Variants in ARHGEF1 observed in about 807,000 individuals in gnomAD.
The protein encoded by ARHGEF1 is 115 kDa guanine nucleotide exchange factor.
In ARHGEF1, 40 loss-of-function variants were observed where a neutral mutation model predicts 119.7. The observed-to-expected ratio is 0.33, with a 90% CI of 0.26 to 0.44. The LOEUF (loss-of-function observed/expected upper bound fraction) is 0.44. Among genes scored for constraint, ARHGEF1 ranks in the 20% least tolerant of loss-of-function variants. ARHGEF1 has a pLI of 1.00. For missense variants in ARHGEF1, 976 were observed against 1,268.3 expected (o/e 0.77, Z 3.50); for synonymous variants, 494 against 521.0 (o/e 0.95, Z 0.71).
rs1555852019 is a variant in ARHGEF1 at position 41,917,018 on chromosome 19, G to A, written c.1866-6074G>A. Among the ~76,000 whole-genome samples the A allele has an allele frequency of 2.0e-5, 3 of 152,232 alleles. No homozygotes were observed. On this transcript the variant is annotated intron_variant, in intron 18 of 20. Coordinates refer to the ARHGEF1 transcript ENST00000599589. The surrounding 1 kb of genome is among the most constrained non-coding windows in gnomAD (Gnocchi z 4.8). ...AGCATGTCTCTGCATGGGTGTGTGT[G>A]TGTGTGTGCACATATGTGACACGTG...
Position 41,905,688 on chromosome 19 carries a change from C to T in ARHGEF1, c.2337-72C>T. The T allele has an allele frequency of 6.5e-7, 1 of 1,530,322 alleles. No homozygotes were observed. Among genetic ancestry groups the T allele is most frequent in the Non-Finnish European group, 9.0e-7 (1 of 1,112,668 alleles). 94.8% of individuals were successfully genotyped at this position (1,530,322 alleles called of 1,614,324 possible). ...GACCTCCCTGCCTCCCCACCTCCAGCTCTCTGTCTCCCTGCCCCTGCGGCC... is the reference window on the plus strand; with the variant it reads ...GACCTCCCTGCCTCCCCACCTCCAGTTCTCTGTCTCCCTGCCCCTGCGGCC... On this transcript the variant is annotated intron_variant, in intron 24 of 28. Coordinates refer to ENST00000354532, the MANE Select transcript of ARHGEF1 (RefSeq NM_004706.4). The surrounding 1 kb of genome is among the most constrained non-coding windows in gnomAD (Gnocchi z 6.4).
Position 41,892,101 on chromosome 19 carries a change from A to G in ARHGEF1, c.302A>G (p.His101Arg). 6.2e-7 allele frequency: 1 copy of G among 1,613,230 alleles called. No homozygotes were observed. Among genetic ancestry groups the G allele is most frequent in the East Asian group, 2.2e-5 (1 of 44,856 alleles). ...EAKKAFLDFY[H>R]SFLEKTAVLR... ...AAGAAGGCCTTCCTGGACTTCTACC[A>G]CAGCTTCCTGGAGAAGACAGCGGTG... is the stretch of plus-strand genomic sequence containing the variant. The change falls in exon 5 of 29, where the codon CAC (histidine) becomes CGC (arginine). Residue 101 changes from histidine (H) to arginine (R), a missense_variant. Around this residue, in one of 3 missense-constraint regions of ARHGEF1, gnomAD observed 519 missense variants for 580.9 expected, o/e 0.89. Transcript: ENST00000354532. The surrounding 1 kb of genome is among the most constrained non-coding windows in gnomAD (Gnocchi z 6.3).
rs2074445231 is a variant in ARHGEF1, at chr19:41,894,533, G to A, written c.827G>A (p.Arg276Gln). ...ATCCTGGATGCCGCCCGCTGGAACC[G>A]GGGAGAGCCCCAGGGTAAGGCGGCT... ...SSILDAARWN[R>Q]GEPQVPDFRH... Residue 276 changes from arginine to glutamine, a missense_variant, in exon 10 of 29, where the codon CGG (arginine) becomes CAG (glutamine). By Grantham distance (43) the Arg-to-Gln change is conservative. Coordinates refer to ENST00000354532, the MANE Select transcript of ARHGEF1 (RefSeq NM_004706.4). The A allele has an allele frequency of 2.5e-6, 4 of 1,612,426 alleles. No homozygotes were observed. The highest frequency in any genetic ancestry group is 2.5e-6 in the Non-Finnish European group (3 of 1,178,900).
chr19:41,887,350 G>A (rs782489113), intron 1 of ARHGEF1, among the ~76,000 whole-genome samples: 3 of 152,086 alleles, frequency 2.0e-5, no homozygotes, highest in Non-Finnish European at 4.4e-5. Context: ...AGACCAAGGC[G>A]CACGTAGGGT....
chr19:41,907,493 T>C, downstream of ARHGEF1: 1 of 1,283,476 alleles, frequency 7.8e-7, no homozygotes, highest in Non-Finnish European at 1.1e-6. Flanking sequence ...TGGCATGGCG[T>C]CTGGAACTCT....
intron 1 of ARHGEF1, among the ~76,000 whole-genome samples, chr19:41,923,974 G>A (rs1427142424): frequency 9.9e-6 from 1 of 101,268 alleles, no homozygotes; most frequent in African/African-American, 4.1e-5. Flanking sequence ...GGGAGGTAGG[G>A]GTGCGCTGGG....
At chr19:41,922,889 G>A (rs558296094), upstream of ARHGEF1, among the ~76,000 whole-genome samples, 14 of 152,332 alleles carry the variant, frequency 9.2e-5, no homozygotes, top group South Asian at 1.4e-3. Flanking sequence ...GCCCCACACC[G>A]GGTCCCATGC....
In ARHGEF1 at chr19:41,916,353, CCA is replaced by C. The variant is rs1250693274; in HGVS notation, c.1866-6732_1866-6731del. On this transcript the variant is annotated intron_variant, in intron 18 of 20. Coordinates refer to the ARHGEF1 transcript ENST00000599589. This position sits in a 1 kb window ranked among gnomAD's most constrained non-coding sequence, Gnocchi z 5.4. Reference sequence around the variant, plus strand: ...AACAAAGCAACGCATACCACTGCTGCCACACACAACCCACATCACACAGATGC... The same window carrying C: ...AACAAAGCAACGCATACCACTGCTGCCACACAACCCACATCACACAGATGC... 6.6e-6 allele frequency among the ~76,000 whole-genome samples: 1 copy of C among 152,064 alleles called. No individual in the cohort carries two copies. Among genetic ancestry groups the C allele is most frequent in the African/African-American group, 2.4e-5 (1 of 41,388 alleles).
At chr19:41,897,983 G>T in intron 13 of ARHGEF1, 1 of 1,326,162 alleles carries the variant, frequency 7.5e-7, no homozygotes. Context: ...GAGCCTGCGG[G>T]TGAGTGACCG....
intron 13 of ARHGEF1, chr19:41,896,862 T>G: frequency 8.6e-6 from 2 of 232,878 alleles, no homozygotes; most frequent in East Asian, 1.3e-4. Context: ...CTCTCTCACC[T>G]ACCCCCTCCT....
At position 41,903,888 on chromosome 19, in the gene ARHGEF1, G is replaced by A; in HGVS notation, c.1917+104G>A. 7.2e-7 allele frequency: 1 copy of A among 1,393,746 alleles called. No individual in the cohort carries two copies. The highest frequency in any genetic ancestry group is 1.0e-6 in the Non-Finnish European group (1 of 992,752). The allele number at this position is 1,393,746 out of a possible 1,614,324, so 86.3% of individuals were successfully genotyped here. On this transcript the variant is annotated intron_variant, in intron 20 of 28. Transcript: ENST00000354532. This position sits in a 1 kb window ranked among gnomAD's most constrained non-coding sequence, Gnocchi z 4.2. ...CCTGCCCATCCCATAATACACCCAG[G>A]AAGCGAGAGCTCTGTCCCCCACCTC... is the stretch of plus-strand genomic sequence containing the variant.
Position 41,904,844 on chromosome 19 carries a change from C to G in ARHGEF1, c.2162-105C>G. The G allele has an allele frequency of 1.1e-6, 1 of 925,480 alleles. No individual in the cohort carries two copies. The highest frequency in any genetic ancestry group is 1.4e-5 in the South Asian group (1 of 73,430). The allele number at this position is 925,480 out of a possible 1,614,324, so 57.3% of individuals were successfully genotyped here. A position where few individuals can be genotyped will look rare whatever the true frequency, so the allele number is the denominator to read the frequency against. ...GAGTGGTGAGTTGAGCCATGGGAGC[C>G]CTGAGAGCGCCACCACTGTGGGTGA... is the stretch of plus-strand genomic sequence containing the variant. On this transcript the variant is annotated intron_variant, in intron 22 of 28. Transcript: ENST00000354532. This position sits in a 1 kb window ranked among gnomAD's most constrained non-coding sequence, Gnocchi z 8.4.
chr19:41,922,656 G>T (rs1238530905), upstream of ARHGEF1, among the ~76,000 whole-genome samples: 1 of 152,072 alleles, frequency 6.6e-6, no homozygotes, highest in Non-Finnish European at 1.5e-5. Flanking sequence ...AGGGCAAGGG[G>T]CGGGGCCTGG....
intron 14 of ARHGEF1, 131 bp downstream of exon 14, chr19:41,898,718 T>G: frequency 2.6e-6 from 3 of 1,171,800 alleles, no homozygotes; most frequent in Non-Finnish European, 3.5e-6. Context: ...CAGCTTCAAA[T>G]TCCCTCTTGT....
downstream of ARHGEF1, chr19:41,907,960 T>G: frequency 3.0e-5 from 11 of 368,814 alleles, no homozygotes; most frequent in East Asian, 1.6e-4. Context: ...CTGGGCGCCA[T>G]ATTGCACTTT....
chr19:41,902,195 A>AC lies in ARHGEF1; in HGVS notation c.1415-74dup. On this transcript the variant is annotated intron_variant, in intron 15 of 28. Coordinates refer to ENST00000354532, the MANE Select transcript of ARHGEF1 (RefSeq NM_004706.4). The surrounding 1 kb of genome is among the most constrained non-coding windows in gnomAD (Gnocchi z 6.5). ...CAGACACAGACACACCTGCAGCCCT[A>AC]CCCCCACCACACCGCAGCAGGCCCC... 1 of 1,578,306 alleles carries AC rather than the reference A, an allele frequency of 6.3e-7. No individual in the cohort carries two copies. Among genetic ancestry groups the AC allele is most frequent in the Non-Finnish European group, 8.7e-7 (1 of 1,151,720 alleles).
chr19:41,923,367 CAGAG>C (rs1280514422), intron 1 of ARHGEF1: 1 of 349,822 alleles, frequency 2.9e-6, no homozygotes, highest in African/African-American at 2.2e-5. Flanking sequence ...GAGAGAGAGT[CAGAG>C]AGCTGTAAAG....
At chr19:41,921,154 T>G (rs942854225), upstream of ARHGEF1, among the ~76,000 whole-genome samples, 2 of 151,194 alleles carry the variant, frequency 1.3e-5, no homozygotes, top group Admixed American at 6.6e-5. The surrounding 1 kb of genome is among the most constrained non-coding windows in gnomAD (Gnocchi z 4.4). Flanking sequence ...GGCGCCACCG[T>G]GAGGCGAGGC....
rs41307033 is a variant in ARHGEF1 at position 41,905,184 on chromosome 19, T to G, written c.2259T>G (p.Ala753=). The G allele has an allele frequency of 7.5e-3, 12,027 of 1,613,950 alleles. 58 individuals carry two copies. Among genetic ancestry groups the G allele is most frequent in the Non-Finnish European group, 8.9e-3 (10,524 of 1,179,920 alleles). ...TGGCCTTTCTCCCCAGCTGGTGTGC[T>G]CTCATCACTGAGACTGCCGGATCCC... ...QTVSERKNWC[A]LITETAGSLK... The change falls in exon 24 of 29, where the codon GCT becomes GCG. Residue 753 remains alanine (A), a synonymous_variant. Coordinates refer to ENST00000354532, the MANE Select transcript of ARHGEF1 (RefSeq NM_004706.4). This position sits in a 1 kb window ranked among gnomAD's most constrained non-coding sequence, Gnocchi z 6.4.
Sources: allele counts gnomAD v4.1 joint callset (sites outside exome capture counted in the v4.1 genomes callset), GRCh38; gene constraint gnomAD v4.1.1; regional missense constraint gnomAD v4.1.1; non-coding constraint Gnocchi (gnomAD v3.1); transcripts MANE v1.5; gene names NCBI Gene and HGNC (gene_info 2026-07-23, HGNC 2026-07-21).